MDGA2: variants seen among roughly 807,000 people sequenced by gnomAD.
The protein encoded by MDGA2 is MAM domain-containing glycosylphosphatidylinositol anchor protein 2.
A neutral mutation model predicts 117.8 loss-of-function variants in MDGA2; 40 were observed. The ratio of observed to expected loss-of-function variants is 0.34; its 90% CI spans 0.26 to 0.44. MDGA2 has a LOEUF of 0.44. Among genes scored for constraint, MDGA2 ranks in the 20% least tolerant of loss-of-function variants. The pLI, the probability that MDGA2 is intolerant of heterozygous loss-of-function variation, is 1.00. For missense variants in MDGA2, 1,123 were observed against 1,250.6 expected, an observed-to-expected ratio of 0.90 and a Z score of 1.54; for synonymous variants, 452 against 439.0, an observed-to-expected ratio of 1.03 and a Z score of -0.37.
At chr14:47,436,922 C>A (rs1254529066) in intron 1 of MDGA2, among the ~76,000 whole-genome samples, 1 of 152,082 alleles carries the variant, frequency 6.6e-6, no homozygotes, top group African/African-American at 2.4e-5. Flanking sequence ...CTTGAGTTCT[C>A]CTCTGTGTGT....
intron 1 of MDGA2, among the ~76,000 whole-genome samples, chr14:47,472,717 G>A (rs1893754093): frequency 6.6e-6 from 1 of 152,046 alleles, no homozygotes; most frequent in Non-Finnish European, 1.5e-5. Context: ...AAGGGGTGAA[G>A]ATGTTTAATG....
intron 11 of MDGA2, among the ~76,000 whole-genome samples, chr14:46,881,440 T>C (rs772521450): frequency 7.9e-5 from 12 of 152,170 alleles, no homozygotes; most frequent in Non-Finnish European, 1.5e-4. Flanking sequence ...GGAGAAATTA[T>C]ATACACTTGT....
Position 47,655,942 on chromosome 14 carries a change from G to A in MDGA2, c.280+18575C>T, listed in dbSNP as rs370002342. On this transcript the variant is annotated intron_variant, in intron 1 of 16. Coordinates refer to ENST00000399232, the MANE Select transcript of MDGA2 (RefSeq NM_001113498.3). ...GTATCTTTAGTGTGACAAGCCACAC[G>A]TAAAGTCTACGGCAAGTCCCTGTAG... 9.5e-4 allele frequency among the ~76,000 whole-genome samples: 145 copies of A among 152,264 alleles called. 2 individuals carry two copies. The highest frequency in any genetic ancestry group is 3.3e-3 in the African/African-American group (138 of 41,560).
chr14:47,592,336 G>A (rs1037606373), intron 1 of MDGA2, among the ~76,000 whole-genome samples: 6 of 151,786 alleles, frequency 4.0e-5, no homozygotes, highest in Admixed American at 6.6e-5. Flanking sequence ...TTATACATTC[G>A]ATGCTATTCC....
At chr14:47,010,573 C>T (rs1887864543) in intron 8 of MDGA2, among the ~76,000 whole-genome samples, 1 of 151,766 alleles carries the variant, frequency 6.6e-6, no homozygotes, top group African/African-American at 2.4e-5. Context: ...GTCTCCTACC[C>T]CACTTTAAAT....
intron 8 of MDGA2, among the ~76,000 whole-genome samples, chr14:47,009,550 T>G (rs12050092): frequency 0.15 from 22,655 of 151,848 alleles, 1,932 homozygotes; most frequent in South Asian, 0.27. Flanking sequence ...CAATACAAAC[T>G]CAAAGGGGAA....
chr14:47,631,069 A>G (rs1897243433), intron 1 of MDGA2, among the ~76,000 whole-genome samples: 1 of 152,218 alleles, frequency 6.6e-6, no homozygotes, highest in Non-Finnish European at 1.5e-5. Flanking sequence ...GTTCTCAACC[A>G]TGGATACACA....
At chr14:47,486,863 A>G (rs1894071939) in intron 1 of MDGA2, among the ~76,000 whole-genome samples, 1 of 152,032 alleles carries the variant, frequency 6.6e-6, no homozygotes, top group Non-Finnish European at 1.5e-5. Context: ...ATCCAATTAA[A>G]CCTCTTTATT....
intron 1 of MDGA2, among the ~76,000 whole-genome samples, chr14:47,423,696 A>G (rs1352879566): frequency 6.6e-6 from 1 of 152,170 alleles, no homozygotes; most frequent in Non-Finnish European, 1.5e-5. Flanking sequence ...AGAACTTAAT[A>G]TATTATTTCC....
intron 5 of MDGA2, among the ~76,000 whole-genome samples, chr14:47,126,705 C>G (rs186423973): frequency 6.6e-6 from 1 of 152,194 alleles, no homozygotes; most frequent in African/African-American, 2.4e-5. Flanking sequence ...ACAAGGACTA[C>G]ATATTATTAT....
intron 10 of MDGA2, among the ~76,000 whole-genome samples, chr14:46,902,038 T>G (rs376278083): frequency 5.8e-4 from 89 of 152,320 alleles, no homozygotes; most frequent in Non-Finnish European, 1.0e-3. Flanking sequence ...TCTTGTTCCC[T>G]CCCTTTTAGG....
intron 1 of MDGA2, among the ~76,000 whole-genome samples, chr14:47,622,223 G>A (rs12147871): frequency 0.059 from 8,924 of 152,262 alleles, 312 homozygotes; most frequent in East Asian, 0.087. Flanking sequence ...CCACAAAAGA[G>A]AGAAGAAGAA....
At chr14:47,586,779 A>G (rs1594930837) in intron 1 of MDGA2, among the ~76,000 whole-genome samples, 3 of 151,884 alleles carry the variant, frequency 2.0e-5, no homozygotes, top group Admixed American at 6.6e-5. Flanking sequence ...CAACATAAGG[A>G]AATTGAGTAC....
chr14:47,533,875 T>G (rs7156218), intron 1 of MDGA2, among the ~76,000 whole-genome samples: 23,819 of 152,182 alleles, frequency 0.16, 2,572 homozygotes, highest in African/African-American at 0.3. Context: ...TATTATATTG[T>G]TATTTGATTA....
In MDGA2 at chr14:47,115,822, A is replaced by G. The variant is rs571943392; in HGVS notation, c.925+15892T>C. 1.2e-4 allele frequency among the ~76,000 whole-genome samples: 18 copies of G among 152,204 alleles called. 1 individual carries two copies. Among genetic ancestry groups the G allele is most frequent in the African/African-American group, 4.3e-4 (18 of 41,582 alleles). On this transcript the variant is annotated intron_variant, in intron 5 of 16. Coordinates refer to ENST00000399232, the MANE Select transcript of MDGA2 (RefSeq NM_001113498.3). ...AGCCTATATGTAACTCCCACAGATA[A>G]TAACATATTCAGTGTGAAAATCAAA...
At chr14:47,274,927 G>A (rs1456710631) in intron 2 of MDGA2, among the ~76,000 whole-genome samples, 2 of 152,036 alleles carry the variant, frequency 1.3e-5, no homozygotes, top group Non-Finnish European at 2.9e-5. Flanking sequence ...TTCTACTATT[G>A]AGTTGTAAGA....
At chr14:47,109,554 G>C (rs938778384) in intron 5 of MDGA2, among the ~76,000 whole-genome samples, 3 of 152,074 alleles carry the variant, frequency 2.0e-5, no homozygotes, top group South Asian at 2.1e-4. Flanking sequence ...ACAAAGAATA[G>C]GTGCTCAATA....
chr14:46,914,911 C>A (rs752446562), intron 10 of MDGA2, among the ~76,000 whole-genome samples: 16 of 151,970 alleles, frequency 1.1e-4, no homozygotes, highest in Non-Finnish European at 1.5e-4. Context: ...CTTTAAAAAT[C>A]ACAAAATATG....
At chr14:47,446,618 T>C (rs1250762573) in intron 1 of MDGA2, among the ~76,000 whole-genome samples, 1 of 152,124 alleles carries the variant, frequency 6.6e-6, no homozygotes, top group African/African-American at 2.4e-5. Context: ...TCTTGCATGA[T>C]GAAGACTTGC....
Sources: allele counts gnomAD v4.1 joint callset (sites outside exome capture counted in the v4.1 genomes callset), GRCh38; gene constraint gnomAD v4.1.1; transcripts MANE v1.5; gene names NCBI Gene and HGNC (gene_info 2026-07-23, HGNC 2026-07-21).